TBX15: variants seen among roughly 807,000 people sequenced by gnomAD.
TBX15 encodes T-box transcription factor TBX15.
Under a neutral mutation model 53.9 loss-of-function variants are expected in TBX15, and 18 were observed. The ratio of observed to expected loss-of-function variants is 0.33; its 90% CI spans 0.23 to 0.49. The LOEUF (loss-of-function observed/expected upper bound fraction) is 0.49, where lower values mean the gene tolerates loss of function less well. Among genes scored for constraint, TBX15 ranks in the 20% least tolerant of loss-of-function variants. TBX15 has a pLI of 0.98. For missense variants in TBX15, 692 were observed against 749.5 expected (o/e 0.92, Z 0.90); for synonymous variants, 295 against 278.0 (o/e 1.06, Z -0.61).
chr1:118,900,450 C>A (rs780925914), intron 6 of TBX15, among the ~76,000 whole-genome samples: 1 of 152,172 alleles, frequency 6.6e-6, no homozygotes, highest in Non-Finnish European at 1.5e-5. Context: ...AGATGAGCTG[C>A]TGATACGCTG....
intron 1 of TBX15, among the ~76,000 whole-genome samples, chr1:118,978,030 GA>G (rs1198031780): frequency 6.6e-6 from 1 of 152,154 alleles, no homozygotes; most frequent in African/African-American, 2.4e-5. Context: ...GAATGGCACA[GA>G]AAATGTTCAA....
At chr1:118,944,854 G>A (rs146581590) in intron 1 of TBX15, among the ~76,000 whole-genome samples, 20 of 152,288 alleles carry the variant, frequency 1.3e-4, no homozygotes, top group African/African-American at 4.3e-4. Context: ...ACATCTCACA[G>A]TGACAGGAGA....
intron 1 of TBX15, among the ~76,000 whole-genome samples, chr1:118,932,981 T>C (rs1655849808): frequency 6.6e-6 from 1 of 152,148 alleles, no homozygotes; most frequent in South Asian, 2.1e-4. Flanking sequence ...GAAACAAGTG[T>C]TGTACTCTGA....
intron 1 of TBX15, among the ~76,000 whole-genome samples, chr1:118,958,922 A>C (rs1656777353): frequency 6.6e-6 from 1 of 152,170 alleles, no homozygotes. Context: ...AAAGATGGGT[A>C]GAAGACCGTG....
At chr1:118,970,959 A>C (rs910753226) in intron 1 of TBX15, among the ~76,000 whole-genome samples, 1 of 152,228 alleles carries the variant, frequency 6.6e-6, no homozygotes, top group African/African-American at 2.4e-5. Flanking sequence ...CTGCTCTCTC[A>C]GGAAAACACA....
At chr1:118,926,946 G>A (rs1390030997) in intron 2 of TBX15, among the ~76,000 whole-genome samples, 1 of 151,856 alleles carries the variant, frequency 6.6e-6, no homozygotes, top group Non-Finnish European at 1.5e-5. Context: ...GGCTGATCTC[G>A]AACTCCTGAC....
intron 5 of TBX15, among the ~76,000 whole-genome samples, chr1:118,921,090 G>C (rs1655409981): frequency 6.6e-6 from 1 of 151,942 alleles, no homozygotes; most frequent in South Asian, 2.1e-4. Flanking sequence ...GACACAGGAG[G>C]ATGGCTTGAT....
chr1:118,956,182 A>C (rs996406830), intron 1 of TBX15, among the ~76,000 whole-genome samples: 1 of 152,110 alleles, frequency 6.6e-6, no homozygotes, highest in Non-Finnish European at 1.5e-5. Flanking sequence ...TTAGAAATAA[A>C]TTTCTGTTTA....
intron 1 of TBX15, among the ~76,000 whole-genome samples, chr1:118,953,743 T>C (rs1340856996): frequency 2.6e-5 from 4 of 152,238 alleles, no homozygotes; most frequent in Non-Finnish European, 5.9e-5. Flanking sequence ...CTCAAGAAAG[T>C]GAACAATTCT....
chr1:118,901,341 C>T (rs144780828), intron 6 of TBX15: 97 of 456,502 alleles, frequency 2.1e-4, no homozygotes, highest in African/African-American at 1.8e-3. Context: ...CAGGAACACA[C>T]TCCTGTGTTA....
chr1:118,884,651 T>G lies in TBX15; in HGVS notation c.*81A>C. 7.0e-7 allele frequency: 1 copy of G among 1,424,066 alleles called. No individual in the cohort carries two copies. The highest frequency in any genetic ancestry group is 2.3e-5 in the East Asian group (1 of 43,146). 88.2% of individuals were successfully genotyped at this position (1,424,066 alleles called of 1,614,324 possible). A position where few individuals can be genotyped will look rare whatever the true frequency, so the allele number is the denominator to read the frequency against. ...CACGGTTCCTGTTTTTCAAAGACACTGGACTCCCAAAGAGGAGGATCTGAC... is the reference window on the plus strand; with the variant it reads ...CACGGTTCCTGTTTTTCAAAGACACGGGACTCCCAAAGAGGAGGATCTGAC... On this transcript the variant is annotated 3_prime_UTR_variant, in exon 8 of 8. Transcript: ENST00000369429.
At chr1:118,969,314 G>T (rs983687476) in intron 1 of TBX15, among the ~76,000 whole-genome samples, 8 of 152,166 alleles carry the variant, frequency 5.3e-5, no homozygotes. Context: ...GACCTTCTGG[G>T]GTTATTCTCT....
At chr1:118,920,813 A>G (rs999415801) in intron 5 of TBX15, among the ~76,000 whole-genome samples, 1 of 152,156 alleles carries the variant, frequency 6.6e-6, no homozygotes, top group Non-Finnish European at 1.5e-5. Flanking sequence ...CTGTCAGTAG[A>G]AGCAAAAGAC....
rs1390978130 is a variant in TBX15, at chr1:118,884,712, C to T, written c.*20G>A. ...CTGGGGCCTTGATTGCCAAATGCTC[C>T]GTGGTGTTTGGACTGGCCTTTAAAC... On this transcript the variant is annotated 3_prime_UTR_variant, in exon 8 of 8. Transcript: ENST00000369429. 3.1e-6 allele frequency: 5 copies of T among 1,613,840 alleles called. No individual in the cohort carries two copies. The highest frequency in any genetic ancestry group is 3.4e-6 in the Non-Finnish European group (4 of 1,179,978).
intron 1 of TBX15, among the ~76,000 whole-genome samples, chr1:118,939,437 C>CAA (rs869077887): frequency 5.9e-5 from 5 of 84,676 alleles, no homozygotes; most frequent in African/African-American, 9.7e-5. Context: ...AAAAAAAAAA[C>CAA]AAAAACAGGA....
At chr1:118,974,592 A>G (rs1265921262) in intron 1 of TBX15, among the ~76,000 whole-genome samples, 4 of 152,206 alleles carry the variant, frequency 2.6e-5, no homozygotes, top group Non-Finnish European at 5.9e-5. Context: ...ACCTGCTGTT[A>G]AGTTCTCTGA....
At chr1:118,984,736 G>A (rs1313972684) in intron 1 of TBX15, among the ~76,000 whole-genome samples, 1 of 152,174 alleles carries the variant, frequency 6.6e-6, no homozygotes, top group African/African-American at 2.4e-5. Flanking sequence ...CCAAAGTCTG[G>A]CGGGCCTTGG....
At chr1:118,987,563 C>T (rs1345716825) in intron 1 of TBX15, 28 bp downstream of exon 1, 6 of 1,536,178 alleles carry the variant, frequency 3.9e-6, no homozygotes, top group South Asian at 3.6e-5. Flanking sequence ...CTCCGCCCGC[C>T]TCCCGCGGTC....
At chr1:118,893,808 C>A (rs558191609) in intron 7 of TBX15, among the ~76,000 whole-genome samples, 2 of 152,226 alleles carry the variant, frequency 1.3e-5, no homozygotes, top group Admixed American at 6.5e-5. Flanking sequence ...ACATTAGTCC[C>A]TATGATACAG....
Sources: gnomAD v4.1 joint callset for allele counts (sites outside exome capture counted in the v4.1 genomes callset) on GRCh38, gnomAD v4.1.1 for gene constraint, MANE v1.5 for transcripts, NCBI Gene and HGNC (gene_info 2026-07-23, HGNC 2026-07-21) for gene names.